PTK2: variants seen among roughly 807,000 people sequenced by gnomAD.
PTK2 encodes focal adhesion kinase 1.
A neutral mutation model predicts 150.1 loss-of-function variants in PTK2; 45 were observed. The observed-to-expected ratio is 0.30, with a 90% confidence interval of 0.24 to 0.38. PTK2 has a LOEUF of 0.38. Ranked by LOEUF, PTK2 falls within the 10% of genes least tolerant of loss-of-function variation. PTK2 has a pLI of 1.00. For missense variants in PTK2, 919 were observed against 1,307.3 expected, an observed-to-expected ratio of 0.70 and a Z score of 4.58; for synonymous variants, 432 against 449.2, an observed-to-expected ratio of 0.96 and a Z score of 0.48.
intron 1 of PTK2, among the ~76,000 whole-genome samples, chr8:140,935,732 C>T (rs796190776): frequency 4.6e-5 from 5 of 108,268 alleles, no homozygotes; most frequent in African/African-American, 1.7e-4. Context: ...CAGAGTCTCG[C>T]TCTTTGCCTC....
At chr8:140,784,997 C>T (rs952257227) in intron 14 of PTK2, among the ~76,000 whole-genome samples, 1 of 152,170 alleles carries the variant, frequency 6.6e-6, no homozygotes, top group Non-Finnish European at 1.5e-5. Flanking sequence ...GCTTTATTTG[C>T]CAACAAGAGA....
intron 11 of PTK2, among the ~76,000 whole-genome samples, 159 bp from the exon 12 acceptor site, chr8:140,800,735 T>C (rs1450643059): frequency 6.6e-6 from 1 of 152,186 alleles, no homozygotes; most frequent in Non-Finnish European, 1.5e-5. Flanking sequence ...AATCTGATAT[T>C]TAAGGACATT....
chr8:140,971,040 G>A (rs1361695470), intron 1 of PTK2, among the ~76,000 whole-genome samples: 6 of 152,172 alleles, frequency 3.9e-5, no homozygotes, highest in Non-Finnish European at 5.9e-5. Flanking sequence ...GGTTGTTGAC[G>A]TTGCTCAACT....
At chr8:140,862,477 A>C (rs2100136808) in intron 5 of PTK2, among the ~76,000 whole-genome samples, 4 of 152,152 alleles carry the variant, frequency 2.6e-5, no homozygotes, top group Admixed American at 2.6e-4. Flanking sequence ...CGCCTTCTTA[A>C]TCTTTCCATT....
At chr8:140,776,147 GC>G (rs780841637) in intron 14 of PTK2, among the ~76,000 whole-genome samples, 4 of 152,188 alleles carry the variant, frequency 2.6e-5, no homozygotes, top group African/African-American at 7.2e-5. Flanking sequence ...GGGATTACAG[GC>G]ATCCGCCACC....
chr8:140,665,920 T>G (rs778211509), intron 30 of PTK2, among the ~76,000 whole-genome samples: 1 of 152,210 alleles, frequency 6.6e-6, no homozygotes, highest in African/African-American at 2.4e-5. Flanking sequence ...GGATACACTT[T>G]AAAAAAGTGA....
intron 1 of PTK2, among the ~76,000 whole-genome samples, chr8:140,997,193 T>C (rs577157855): frequency 1.1e-4 from 17 of 152,344 alleles, no homozygotes; most frequent in African/African-American, 4.1e-4. Context: ...TGTGACTGAA[T>C]TGCTGCAATC....
intron 14 of PTK2, among the ~76,000 whole-genome samples, chr8:140,781,632 T>G (rs910084586): frequency 6.6e-6 from 1 of 152,210 alleles, no homozygotes; most frequent in Admixed American, 6.5e-5. Context: ...TTGGCCTTTT[T>G]AAAAATTTGA....
At chr8:140,914,687 C>G (rs1184901145) in intron 2 of PTK2, among the ~76,000 whole-genome samples, 1 of 151,980 alleles carries the variant, frequency 6.6e-6, no homozygotes, top group African/African-American at 2.4e-5. Flanking sequence ...CTTCTAACGA[C>G]TGAAACCTCT....
intron 26 of PTK2, 24 bp from the exon 30 acceptor site, chr8:140,686,718 A>G: frequency 6.3e-7 from 1 of 1,597,290 alleles, no homozygotes; most frequent in Non-Finnish European, 8.6e-7. Flanking sequence ...AACAAAATCA[A>G]AACAATTTCA....
chr8:140,739,269 G>A (rs887738291), intron 20 of PTK2, among the ~76,000 whole-genome samples, 162 bp from the exon 24 acceptor site: 3 of 152,078 alleles, frequency 2.0e-5, no homozygotes, highest in East Asian at 1.9e-4. Context: ...TTGGTGTTTC[G>A]AGGTCACTTA....
intron 22 of PTK2, among the ~76,000 whole-genome samples, chr8:140,731,258 C>A (rs1450785840): frequency 1.3e-5 from 2 of 152,076 alleles, no homozygotes; most frequent in African/African-American, 4.8e-5. Flanking sequence ...CTGCGCCCGG[C>A]TAAATGATTT....
At chr8:140,705,426 AC>A (rs1182353190) in intron 24 of PTK2, among the ~76,000 whole-genome samples, 1 of 152,148 alleles carries the variant, frequency 6.6e-6, no homozygotes, top group Non-Finnish European at 1.5e-5. Context: ...ACAGGCAGAA[AC>A]CTCTGATACT....
chr8:140,702,371 C>T (rs1435038610), intron 25 of PTK2, among the ~76,000 whole-genome samples, 199 bp downstream of exon 28: 1 of 150,772 alleles, frequency 6.6e-6, no homozygotes, highest in Non-Finnish European at 1.5e-5. Flanking sequence ...AGGCACATAC[C>T]ACCATACGTG....
At chr8:140,743,762 A>G (rs2100057089) in intron 19 of PTK2, among the ~76,000 whole-genome samples, 1 of 151,176 alleles carries the variant, frequency 6.6e-6, no homozygotes, top group African/African-American at 2.4e-5. Context: ...ATTTTTTTAG[A>G]TGCTTAGTTT....
chr8:140,936,315 CAT>C (rs778550708), intron 1 of PTK2, among the ~76,000 whole-genome samples: 7 of 152,140 alleles, frequency 4.6e-5, no homozygotes, highest in Non-Finnish European at 5.9e-5. Context: ...AGAAGACAAA[CAT>C]GTACTGTATA....
At chr8:140,826,987 T>C (rs2100112155) in intron 8 of PTK2, among the ~76,000 whole-genome samples, 1 of 152,142 alleles carries the variant, frequency 6.6e-6, no homozygotes, top group Non-Finnish European at 1.5e-5. Flanking sequence ...ACAGAAGCCA[T>C]TCCATCCAGG....
intron 1 of PTK2, among the ~76,000 whole-genome samples, chr8:140,973,282 C>A (rs1386580148): frequency 6.6e-6 from 1 of 152,134 alleles, no homozygotes; most frequent in Non-Finnish European, 1.5e-5. Flanking sequence ...CTTTGTTTAC[C>A]TGGGGACCCT....
intron 1 of PTK2, among the ~76,000 whole-genome samples, chr8:140,996,617 C>T (rs1018303313): frequency 2.6e-5 from 4 of 152,152 alleles, no homozygotes; most frequent in African/African-American, 4.8e-5. Context: ...TCCTTAAGAA[C>T]GATGCTAATT....
Sources: allele counts gnomAD v4.1 joint callset (sites outside exome capture counted in the v4.1 genomes callset), GRCh38; gene constraint gnomAD v4.1.1; transcripts MANE v1.5; gene names NCBI Gene and HGNC (gene_info 2026-07-23, HGNC 2026-07-21).